BRF1: variants seen among roughly 807,000 people sequenced by gnomAD.
BRF1 encodes the protein transcription factor IIIB 90 kDa subunit.
Under a neutral mutation model 81.7 loss-of-function variants are expected in BRF1, and 59 were observed. The observed-to-expected ratio is 0.72, with a 90% CI of 0.59 to 0.90. The LOEUF is 0.90. Ranked by LOEUF, BRF1 falls within the 40% of genes least tolerant of loss-of-function variation. The pLI is 0.00. For synonymous variants in BRF1, 491 were observed against 395.6 expected (o/e 1.24, Z -2.86); for missense variants, 1,050 against 936.3 (o/e 1.12, Z -1.58).
chr14:105,225,241 C>A lies in BRF1; in HGVS notation c.1048+828G>T, dbSNP rs1002815649. Among the ~76,000 whole-genome samples the A allele has an allele frequency of 2.0e-5, 3 of 152,212 alleles. No homozygotes were observed. The South Asian group carries it at 6.2e-4, about 32-fold the overall frequency. On this transcript the variant is annotated intron_variant, in intron 10 of 17. Coordinates refer to ENST00000547530, the MANE Select transcript of BRF1 (RefSeq NM_001519.4). ...CAGGCCCTCCCGTGGCTCCTACTAA[C>A]CCCCAAGTGAAAATACACAGTACAG...
chr14:105,219,622 A>G, intron 12 of BRF1: 2 of 409,824 alleles, frequency 4.9e-6, no homozygotes, highest in Non-Finnish European at 8.8e-6. Context: ...CCATGAAATC[A>G]GGGAAGACGA....
At chr14:105,218,198 C>T (rs1429453509) in intron 14 of BRF1, among the ~76,000 whole-genome samples, 2 of 152,126 alleles carry the variant, frequency 1.3e-5, no homozygotes, top group Non-Finnish European at 2.9e-5. Context: ...ACAGACAATC[C>T]ACCCCAGCAC....
At chr14:105,304,914 C>T (rs1369892438), upstream of BRF1, among the ~76,000 whole-genome samples, 1 of 152,240 alleles carries the variant, frequency 6.6e-6, no homozygotes, top group Non-Finnish European at 1.5e-5. Context: ...TCCCTCCCAC[C>T]AGGTCCCTCC....
In BRF1 at chr14:105,228,852, C is replaced by T. The variant is rs752509080; in HGVS notation, c.756G>A (p.Val252=). 15 of 1,613,918 alleles carry T rather than the reference C, an allele frequency of 9.3e-6. No individual in the cohort carries two copies. The highest frequency in any genetic ancestry group is 8.9e-5 in the East Asian group (4 of 44,882). ...FRRTVKEVIS[V]VKVCESTLRK... ...GCAGCGTGGACTCACACACTTTGAC[C>T]ACACTGATGACCTCCTTCACAGTCC... Residue 252 remains valine (V), a synonymous_variant, in exon 7 of 18, where the codon GTG becomes GTA. Transcript: ENST00000547530.
chr14:105,280,517 G>A (rs1372204395), intron 2 of BRF1, among the ~76,000 whole-genome samples: 1 of 152,178 alleles, frequency 6.6e-6, no homozygotes, highest in African/African-American at 2.4e-5. Context: ...GGTGTGTGGT[G>A]GAAGCTGCGT....
rs150684132 is a variant in BRF1 at position 105,266,720 on chromosome 14, G to A, written c.439+6001C>T. On this transcript the variant is annotated intron_variant, in intron 3 of 17. Coordinates refer to ENST00000547530, the MANE Select transcript of BRF1 (RefSeq NM_001519.4). Reference sequence around the variant, plus strand: ...TGAGTCCTCGGCATACAAAAGGCAGGACAAACAGATGAGAGGTGTGTGGGT... The same window carrying A: ...TGAGTCCTCGGCATACAAAAGGCAGAACAAACAGATGAGAGGTGTGTGGGT... 7.4e-4 allele frequency among the ~76,000 whole-genome samples: 113 copies of A among 152,188 alleles called. No individual in the cohort carries two copies. In the East Asian group the frequency reaches 0.019, roughly 26 times the overall value.
intron 5 of BRF1, among the ~76,000 whole-genome samples, chr14:105,252,166 T>C (rs904941859): frequency 6.6e-6 from 1 of 152,128 alleles, no homozygotes; most frequent in Admixed American, 6.5e-5. Flanking sequence ...CAACAGGCCT[T>C]CTGGTTTTGC....
chr14:105,265,428 G>A (rs943330743), intron 3 of BRF1, among the ~76,000 whole-genome samples: 1 of 152,124 alleles, frequency 6.6e-6, no homozygotes, highest in Non-Finnish European at 1.5e-5. Flanking sequence ...GAGTCAAACT[G>A]CCAAATCCAA....
intron 10 of BRF1, among the ~76,000 whole-genome samples, chr14:105,224,643 G>A (rs1277857583): frequency 1.3e-5 from 2 of 152,184 alleles, no homozygotes; most frequent in Non-Finnish European, 2.9e-5. Context: ...GAACTCCTGG[G>A]TTCAAGTGAT....
At chr14:105,282,195 G>A (rs138789051) in intron 2 of BRF1, among the ~76,000 whole-genome samples, 3 of 152,204 alleles carry the variant, frequency 2.0e-5, no homozygotes, top group Admixed American at 2.0e-4. Flanking sequence ...ATCCCAGGGG[G>A]AAGGGGCAGG....
chr14:105,248,727 G>C, intron 5 of BRF1: 4 of 981,606 alleles, frequency 4.1e-6, no homozygotes, highest in Non-Finnish European at 4.8e-6. Flanking sequence ...GCTGCCCCTA[G>C]CCTGCCTGCA....
At chr14:105,225,955 C>G (rs1893018489) in intron 10 of BRF1, 114 bp downstream of exon 10, 4 of 1,120,810 alleles carry the variant, frequency 3.6e-6, no homozygotes, top group Non-Finnish European at 5.1e-6. Context: ...GGTAAACTTA[C>G]ATTCTGTAGA....
chr14:105,281,174 T>G (rs2057078882), intron 2 of BRF1, among the ~76,000 whole-genome samples: 1 of 142,040 alleles, frequency 7.0e-6, no homozygotes, highest in Non-Finnish European at 1.5e-5. Context: ...AGCCCAGGTG[T>G]GCAGGTGGAG....
At chr14:105,214,188 G>A (rs1273691999) in intron 15 of BRF1, among the ~76,000 whole-genome samples, 1 of 152,260 alleles carries the variant, frequency 6.6e-6, no homozygotes, top group East Asian at 1.9e-4. Flanking sequence ...AGGCAAGAGG[G>A]CAGCTCATCT....
chr14:105,215,997 CACAT>C (rs1891200398), intron 15 of BRF1, among the ~76,000 whole-genome samples: 1 of 150,010 alleles, frequency 6.7e-6, no homozygotes, highest in Non-Finnish European at 1.5e-5. Flanking sequence ...GGCGCACACA[CACAT>C]GCACACACAC....
chr14:105,279,160 G>A (rs183594148), intron 2 of BRF1, among the ~76,000 whole-genome samples: 64 of 152,150 alleles, frequency 4.2e-4, no homozygotes, highest in African/African-American at 1.3e-3. Context: ...AAGGAGCATC[G>A]ACTGCACCAC....
chr14:105,240,955 G>C (rs2103454), intron 6 of BRF1, among the ~76,000 whole-genome samples: 1 of 151,876 alleles, frequency 6.6e-6, no homozygotes, highest in African/African-American at 2.4e-5. Flanking sequence ...GTCAGAAGCC[G>C]GGCCCCACGA....
intron 6 of BRF1, among the ~76,000 whole-genome samples, chr14:105,229,565 G>A (rs893977703): frequency 2.0e-5 from 3 of 152,230 alleles, no homozygotes; most frequent in Non-Finnish European, 2.9e-5. Context: ...CAGCACCAAG[G>A]GCAAAGTGAG....
At chr14:105,229,402 G>A (rs1412850306) in intron 6 of BRF1, among the ~76,000 whole-genome samples, 2 of 152,236 alleles carry the variant, frequency 1.3e-5, no homozygotes, top group Admixed American at 6.5e-5. Flanking sequence ...ACTGAATCCT[G>A]CAGCGCAGGG....
Sources: gnomAD v4.1 joint callset for allele counts (sites outside exome capture counted in the v4.1 genomes callset) on GRCh38, gnomAD v4.1.1 for gene constraint, MANE v1.5 for transcripts, NCBI Gene and HGNC (gene_info 2026-07-23, HGNC 2026-07-21) for gene names.